Variants in DNAH17 observed in about 807,000 individuals in gnomAD.
DNAH17 encodes the protein axonemal beta dynein heavy chain 17.
Under a neutral mutation model 485.6 loss-of-function variants are expected in DNAH17, and 376 were observed. That is an observed-to-expected ratio of 0.77 (90% confidence interval 0.71 to 0.84). The LOEUF is 0.84. Ranked by LOEUF, DNAH17 falls within the 40% of genes least tolerant of loss-of-function variation. The pLI is 0.00. For missense variants in DNAH17, 6,370 were observed against 5,839.3 expected, an observed-to-expected ratio of 1.09 and a Z score of -2.96; for synonymous variants, 3,031 against 2,405.9, an observed-to-expected ratio of 1.26 and a Z score of -7.60.
intron 19 of DNAH17, among the ~76,000 whole-genome samples, chr17:78,534,506 G>A (rs1013712682): frequency 6.6e-6 from 1 of 152,204 alleles, no homozygotes; most frequent in Non-Finnish European, 1.5e-5. Context: ...TTCAGCCATG[G>A]GCTCGCCTGT....
Position 78,441,140 on chromosome 17 carries a change from G to A in DNAH17, c.11588C>T (p.Ser3863Phe). 1 of 1,613,940 alleles carries A rather than the reference G, an allele frequency of 6.2e-7. No homozygotes were observed. Among genetic ancestry groups the A allele is most frequent in the Non-Finnish European group, 8.5e-7 (1 of 1,179,886 alleles). Residue 3863 changes from serine (S) to phenylalanine (F), a missense_variant, in exon 72 of 81, where the codon TCT becomes TTT. Coordinates refer to ENST00000389840, the MANE Select transcript of DNAH17 (RefSeq NM_173628.4). Reference protein sequence around the residue: ...KFVEGRSVEFSKSYEESSPST... With the variant: ...KFVEGRSVEFFKSYEESSPST... ...GGGGCTGCTCTCCTCGTAGGACTTA[G>A]AAAACTCAACACTCCGGCCTTCCAC...
intron 77 of DNAH17, chr17:78,428,244 A>G (rs1047733826): frequency 3.5e-5 from 17 of 480,554 alleles, no homozygotes; most frequent in Non-Finnish European, 6.2e-5. Context: ...GGAAGACTGC[A>G]GGGTGGAGGG....
chr17:78,550,882 C>G (rs1016737190), intron 16 of DNAH17, among the ~76,000 whole-genome samples: 7 of 152,158 alleles, frequency 4.6e-5, no homozygotes, highest in Middle Eastern at 3.4e-3. Context: ...ATCAATGAGC[C>G]CTTTCTGAGG....
intron 13 of DNAH17, 70 bp from the exon 14 acceptor site, chr17:78,558,324 A>T: frequency 6.4e-7 from 1 of 1,550,400 alleles, no homozygotes. Context: ...CAAGCAACAG[A>T]AATGAGCATC....
intron 64 of DNAH17, among the ~76,000 whole-genome samples, chr17:78,454,086 G>C (rs185225461): frequency 6.6e-6 from 1 of 152,072 alleles, no homozygotes; most frequent in South Asian, 2.1e-4. Flanking sequence ...TTCCAGCACC[G>C]CTAGGAAGCA....
chr17:78,529,849 T>TCC (rs1356587890), intron 21 of DNAH17, among the ~76,000 whole-genome samples, 155 bp from the exon 22 acceptor site: 2 of 151,996 alleles, frequency 1.3e-5, no homozygotes, highest in Non-Finnish European at 2.9e-5. Context: ...CCACCTTGGA[T>TCC]CCCTCCAGCT....
In DNAH17 at chr17:78,510,441, G is replaced by A. The variant is rs200358276; in HGVS notation, c.4179C>T (p.Tyr1393=). 5.8e-5 allele frequency: 93 copies of A among 1,613,680 alleles called. No homozygotes were observed. The highest frequency in any genetic ancestry group is 1.2e-4 in the African/African-American group (9 of 74,998). Residue 1393 remains tyrosine (Y), a synonymous_variant, in exon 27 of 81, where the codon TAC becomes TAT. Transcript: ENST00000389840. ...CCACGATGTTGCGGACCTCATCCTC[G>A]TAACTGTGGAGGTTCAGCTGCAGTA... ...ADLLQLNLHS[Y]EDEVRNIVDK... is the part of the protein sequence containing the mutation.
At chr17:78,559,222 C>T (rs970863054) in intron 13 of DNAH17, among the ~76,000 whole-genome samples, 2 of 152,202 alleles carry the variant, frequency 1.3e-5, no homozygotes, top group South Asian at 4.1e-4. Context: ...TTTATGTCTC[C>T]AACCCCAGCC....
At chr17:78,531,168 C>T (rs7219591) in intron 20 of DNAH17, among the ~76,000 whole-genome samples, 98,397 of 151,710 alleles carry the variant, frequency 0.65, 32,118 homozygotes, top group Non-Finnish European at 0.66. Flanking sequence ...TGTTACTGTA[C>T]TGGGGTCTCT....
At chr17:78,442,100 T>C (rs530678603) in intron 71 of DNAH17, among the ~76,000 whole-genome samples, 1 of 148,868 alleles carries the variant, frequency 6.7e-6, no homozygotes, top group African/African-American at 2.5e-5. Context: ...AAAAAATTAG[T>C]AAGATTTTAG....
At chr17:78,428,426 C>G in intron 77 of DNAH17, 99 bp downstream of exon 77, 2 of 1,422,742 alleles carry the variant, frequency 1.4e-6, no homozygotes, top group Non-Finnish European at 1.9e-6. Flanking sequence ...TGTACCTCAC[C>G]AGCAAGTTCC....
At chr17:78,433,967 G>C in intron 75 of DNAH17, 62 bp downstream of exon 75, 1 of 1,377,870 alleles carries the variant, frequency 7.3e-7, no homozygotes, top group Non-Finnish European at 9.9e-7. Flanking sequence ...GAGGGAAGGA[G>C]GGAGGGAAGG....
At chr17:78,484,424 C>T (rs1184913849) in intron 48 of DNAH17, among the ~76,000 whole-genome samples, 1 of 152,124 alleles carries the variant, frequency 6.6e-6, no homozygotes, top group Non-Finnish European at 1.5e-5. Context: ...TGCACCATCT[C>T]CCCAGGGGCA....
At chr17:78,444,934 G>T in intron 70 of DNAH17, 137 bp from the exon 71 acceptor site, 1 of 879,370 alleles carries the variant, frequency 1.1e-6, no homozygotes. Context: ...AAGCCCGAGA[G>T]GCTGGCCACC....
Position 78,451,480 on chromosome 17 carries a change from C to G in DNAH17, c.10723G>C (p.Glu3575Gln), listed in dbSNP as rs755400836. 1 of 1,610,652 alleles carries G rather than the reference C, an allele frequency of 6.2e-7. No individual in the cohort carries two copies. Among genetic ancestry groups the G allele is most frequent in the Non-Finnish European group, 8.5e-7 (1 of 1,178,354 alleles). Residue 3575 changes from glutamate to glutamine, a missense_variant, in exon 66 of 81, where the codon GAA (glutamate) becomes CAA (glutamine). Transcript: ENST00000389840. ...AVVAKERPDL[E>Q]QLKANLTKSQ... is the part of the protein sequence containing the mutation. ...CTTCAGGCCATTACCTTCAGCTGTT[C>G]CAGATCTGGGCGCTCTTTGGCCACC...
intron 6 of DNAH17, 135 bp downstream of exon 6, chr17:78,570,813 G>A (rs1251278655): frequency 4.5e-5 from 28 of 620,224 alleles, no homozygotes; most frequent in African/African-American, 1.7e-4. Flanking sequence ...AGCCGAGATC[G>A]CGCCACAGCA....
chr17:78,530,508 T>A lies in DNAH17; in HGVS notation c.3119A>T (p.Asp1040Val). The A allele has an allele frequency of 1.9e-6, 3 of 1,602,450 alleles. No homozygotes were observed. The highest frequency in any genetic ancestry group is 2.6e-6 in the Non-Finnish European group (3 of 1,171,572). ...CTCCTCATACAGCTTCTCGTAGGAG[T>A]CGATCTGGAAAACACGGCCACCGGC... ...PTLAQFQEQI[D>V]SYEKLYEEVS... The change falls in exon 21 of 81, where the codon GAC becomes GTC. Residue 1040 changes from aspartate to valine, a missense_variant. Transcript: ENST00000389840.
intron 26 of DNAH17, among the ~76,000 whole-genome samples, chr17:78,513,199 C>G (rs1330912231): frequency 1.3e-5 from 2 of 152,128 alleles, no homozygotes; most frequent in African/African-American, 2.4e-5. Context: ...ATACCCCCCT[C>G]CCTTTGGGAT....
intron 17 of DNAH17, 194 bp downstream of exon 17, chr17:78,543,663 G>A (rs1277198712): frequency 3.9e-6 from 3 of 765,084 alleles, no homozygotes; most frequent in Non-Finnish European, 6.6e-6. Context: ...GACATTAGGT[G>A]ATCCGCCCGA....
Sources: allele counts gnomAD v4.1 joint callset (sites outside exome capture counted in the v4.1 genomes callset), GRCh38; gene constraint gnomAD v4.1.1; transcripts MANE v1.5; gene names NCBI Gene and HGNC (gene_info 2026-07-23, HGNC 2026-07-21).